RALYL: variants seen among roughly 807,000 people sequenced by gnomAD.
RALYL encodes RALY RNA binding protein like, also known as RNA-binding Raly-like protein.
Under a neutral mutation model 35.1 loss-of-function variants are expected in RALYL, and 29 were observed. That is an observed-to-expected ratio of 0.83 (90% CI 0.61 to 1.13). The LOEUF (loss-of-function observed/expected upper bound fraction) is 1.13. RALYL is among the 50% of genes most tolerant of loss of function. The pLI is 0.00. For missense variants in RALYL, 359 were observed against 360.4 expected (o/e 1.00, Z 0.03); for synonymous variants, 120 against 127.6 (o/e 0.94, Z 0.40).
At chr8:84,718,737 C>A (rs1269010127) in intron 2 of RALYL, among the ~76,000 whole-genome samples, 1 of 151,560 alleles carries the variant, frequency 6.6e-6, no homozygotes, top group Non-Finnish European at 1.5e-5. Context: ...TGCACTCTAG[C>A]CTGGGTGACA....
intron 1 of RALYL, among the ~76,000 whole-genome samples, chr8:84,493,693 A>G (rs2055615854): frequency 6.6e-6 from 1 of 151,964 alleles, no homozygotes; most frequent in Admixed American, 6.6e-5. Flanking sequence ...TATGTTTTTC[A>G]TATGTTTGAC....
intron 4 of RALYL, among the ~76,000 whole-genome samples, chr8:84,839,198 T>TCCCC (rs1258332663): frequency 6.6e-6 from 1 of 152,020 alleles, no homozygotes; most frequent in Non-Finnish European, 1.5e-5. Context: ...GTGCAAGAGG[T>TCCCC]CAGGGAATTC....
Position 84,426,976 on chromosome 8 carries a change from A to G in RALYL, c.-23-102323A>G, listed in dbSNP as rs137903511. Among the ~76,000 whole-genome samples, 52 of 152,328 alleles carry G rather than the reference A, an allele frequency of 3.4e-4. No individual in the cohort carries two copies. In the East Asian group the frequency reaches 9.5e-3, roughly 28 times the overall value. On this transcript the variant is annotated intron_variant, in intron 1 of 8. Transcript: ENST00000521268. Reference sequence around the variant, plus strand: ...CCAAAGGAAATGAAATCACCACCTCATAAAGATACCTGCACTCCCATGTCA... The same window carrying G: ...CCAAAGGAAATGAAATCACCACCTCGTAAAGATACCTGCACTCCCATGTCA...
chr8:84,294,627 G>A (rs980467899), intron 1 of RALYL, among the ~76,000 whole-genome samples: 12 of 152,150 alleles, frequency 7.9e-5, no homozygotes, highest in South Asian at 2.1e-4. Flanking sequence ...AAGGAAGGTC[G>A]CCAAAATGAG....
At chr8:84,802,571 C>CCAA (rs148934611) in intron 3 of RALYL, among the ~76,000 whole-genome samples, 2,676 of 151,948 alleles carry the variant, frequency 0.018, 35 homozygotes, top group Middle Eastern at 0.041. Context: ...ATGCTCTAAT[C>CCAA]CAACAGTTGC....
chr8:84,850,958 C>T (rs2134812571), intron 5 of RALYL, among the ~76,000 whole-genome samples: 1 of 152,274 alleles, frequency 6.6e-6, no homozygotes, highest in East Asian at 1.9e-4. Context: ...TTACTAAGTT[C>T]CTCTGACTCC....
intron 2 of RALYL, among the ~76,000 whole-genome samples, chr8:84,662,185 C>T (rs139553056): frequency 1.2e-4 from 19 of 152,074 alleles, no homozygotes; most frequent in East Asian, 5.8e-4. Context: ...TGGACTCTTA[C>T]GGCTCTCAGG....
chr8:84,829,557 C>G (rs577026918), intron 4 of RALYL: 7 of 152,212 alleles, frequency 4.6e-5, no homozygotes, highest in Non-Finnish European at 1.0e-4. Context: ...CTCTCACTTC[C>G]CAACCCCCAG....
intron 1 of RALYL, among the ~76,000 whole-genome samples, chr8:84,399,354 C>T (rs1645080572): frequency 1.3e-5 from 2 of 152,152 alleles, no homozygotes; most frequent in South Asian, 2.1e-4. Context: ...CTTGTAATCC[C>T]TCTGTAGGAC....
intron 2 of RALYL, among the ~76,000 whole-genome samples, chr8:84,652,533 T>A (rs1287967252): frequency 1.3e-5 from 2 of 152,094 alleles, no homozygotes; most frequent in African/African-American, 4.8e-5. Flanking sequence ...TATTCCTATG[T>A]CCCTATCTGT....
chr8:84,200,662 G>A lies in RALYL; in HGVS notation c.-24+16238G>A, dbSNP rs554231024. 8.5e-5 allele frequency among the ~76,000 whole-genome samples: 13 copies of A among 152,110 alleles called. No individual in the cohort carries two copies. The East Asian group carries it at 2.3e-3, about 27-fold the overall frequency. ...ATATTAATTAAAGCTTGAACAAATA[G>A]GATTAATATTTATTTAAAAGATGAT... On this transcript the variant is annotated intron_variant, in intron 1 of 8. Coordinates refer to ENST00000521268, the MANE Select transcript of RALYL (RefSeq NM_173848.7).
At position 84,247,091 on chromosome 8, in the gene RALYL, G is replaced by A. The variant is rs893875750; in HGVS notation, c.-24+62667G>A. Among the ~76,000 whole-genome samples, 5 of 152,094 alleles carry A rather than the reference G, an allele frequency of 3.3e-5. 1 individual carries two copies. The South Asian group carries it at 6.2e-4, about 19-fold the overall frequency. Reference sequence around the variant, plus strand: ...GGGTTAGTGAAATTATCCAAATGGCGATTATCCAAATCACGATGGTGATTT... The same window carrying A: ...GGGTTAGTGAAATTATCCAAATGGCAATTATCCAAATCACGATGGTGATTT... On this transcript the variant is annotated intron_variant, in intron 1 of 8. Coordinates refer to ENST00000521268, the MANE Select transcript of RALYL (RefSeq NM_173848.7).
intron 3 of RALYL, among the ~76,000 whole-genome samples, chr8:84,777,219 CAG>C (rs1182698143): frequency 1.3e-5 from 2 of 152,172 alleles, no homozygotes; most frequent in African/African-American, 4.8e-5. Context: ...GCTCGGTTTT[CAG>C]CCTTCACGTC....
chr8:84,670,630 A>G (rs1180743619), intron 2 of RALYL, among the ~76,000 whole-genome samples: 2 of 152,176 alleles, frequency 1.3e-5, no homozygotes, highest in Non-Finnish European at 2.9e-5. Context: ...ACATGGCAGC[A>G]GGCAAGAGTG....
chr8:84,215,835 T>C (rs1820676744), intron 1 of RALYL, among the ~76,000 whole-genome samples: 1 of 152,314 alleles, frequency 6.6e-6, no homozygotes, highest in South Asian at 2.1e-4. Context: ...TAAATGATAC[T>C]TTTTGATAAG....
At chr8:84,207,820 GTATATATA>G (rs3078265) in intron 1 of RALYL, among the ~76,000 whole-genome samples, 2,835 of 146,088 alleles carry the variant, frequency 0.019, 31 homozygotes, top group African/African-American at 0.033. Flanking sequence ...GTGTGTGTGT[GTATATATA>G]TATATATATA....
chr8:84,186,135 T>C (rs553477136), intron 1 of RALYL, among the ~76,000 whole-genome samples: 1 of 152,356 alleles, frequency 6.6e-6, no homozygotes, highest in East Asian at 1.9e-4. Flanking sequence ...GAAATCCTGT[T>C]GCATTTATAT....
At chr8:84,771,019 C>A (rs1815348706) in intron 2 of RALYL, among the ~76,000 whole-genome samples, 1 of 151,976 alleles carries the variant, frequency 6.6e-6, no homozygotes, top group Non-Finnish European at 1.5e-5. Context: ...TCTGCTGTTT[C>A]TTTTGCTGCA....
intron 1 of RALYL, among the ~76,000 whole-genome samples, chr8:84,522,995 G>A (rs1381906102): frequency 6.6e-6 from 1 of 152,090 alleles, no homozygotes; most frequent in Non-Finnish European, 1.5e-5. Context: ...CTAATGAGGA[G>A]CAAAGGCACA....
Sources: gnomAD v4.1 joint callset for allele counts (sites outside exome capture counted in the v4.1 genomes callset) on GRCh38, gnomAD v4.1.1 for gene constraint, MANE v1.5 for transcripts, NCBI Gene and HGNC (gene_info 2026-07-23, HGNC 2026-07-21) for gene names.